The following CA10 variants were observed in gnomAD, a reference collection of about 807,000 sequenced individuals.
CA10 encodes the protein carbonic anhydrase 10 (inactive), also known as carbonic anhydrase-related protein 10.
A neutral mutation model predicts 44.2 loss-of-function variants in CA10; 14 were observed. The ratio of observed to expected loss-of-function variants is 0.32; its 90% confidence interval spans 0.21 to 0.50. The LOEUF (loss-of-function observed/expected upper bound fraction) is 0.50. CA10 is among the 20% of genes least tolerant of loss of function. The pLI, the probability that CA10 is intolerant of heterozygous loss-of-function variation, is 0.99. For missense variants in CA10, 350 were observed against 409.7 expected (o/e 0.85, Z 1.26); for synonymous variants, 159 against 141.6 (o/e 1.12, Z -0.87).
At chr17:52,047,132 A>AG (rs1421442510) in intron 2 of CA10, among the ~76,000 whole-genome samples, 1 of 152,056 alleles carries the variant, frequency 6.6e-6, no homozygotes, top group Admixed American at 6.6e-5. Flanking sequence ...ATTCAGCAAT[A>AG]TAAAGGAATG....
intron 3 of CA10, among the ~76,000 whole-genome samples, chr17:51,860,038 C>T (rs1979233180): frequency 6.6e-6 from 1 of 152,122 alleles, no homozygotes; most frequent in African/African-American, 2.4e-5. Context: ...AAAGACAGAG[C>T]AAGATTTACT....
intron 1 of CA10, among the ~76,000 whole-genome samples, chr17:52,081,529 G>A (rs1598204860): frequency 1.3e-5 from 2 of 152,212 alleles, no homozygotes; most frequent in South Asian, 2.1e-4. Flanking sequence ...GGCCGGGCGC[G>A]GTGGCTCACG....
rs565415114 is a variant in CA10, at chr17:51,653,632, G to A, written c.561+9C>T. The A allele has an allele frequency of 6.9e-7, 1 of 1,439,040 alleles. No homozygotes were observed. The allele number at this position is 1,439,040 out of a possible 1,614,324, so 89.1% of individuals were successfully genotyped here. On this transcript the variant is annotated intron_variant, in intron 5 of 8. Coordinates refer to ENST00000451037, the MANE Select transcript of CA10 (RefSeq NM_020178.5). ...TGGTGAGAAGAATGAAGGAATGCAAGAGACTTACTTTTATAAATATAGAAA... is the reference window on the plus strand; with the variant it reads ...TGGTGAGAAGAATGAAGGAATGCAAAAGACTTACTTTTATAAATATAGAAA...
intron 3 of CA10, among the ~76,000 whole-genome samples, chr17:51,816,550 T>G (rs1038476248): frequency 6.6e-6 from 1 of 152,186 alleles, no homozygotes; most frequent in Non-Finnish European, 1.5e-5. Context: ...TGAAAGCATT[T>G]TTTTCATTAT....
chr17:51,698,159 G>A (rs557841891), intron 4 of CA10, among the ~76,000 whole-genome samples: 1 of 152,308 alleles, frequency 6.6e-6, no homozygotes, highest in African/African-American at 2.4e-5. Flanking sequence ...CACAGCAGAT[G>A]CTGCTGCTGC....
At chr17:51,637,852 C>G (rs181116572) in intron 6 of CA10, among the ~76,000 whole-genome samples, 1 of 152,218 alleles carries the variant, frequency 6.6e-6, no homozygotes, top group Admixed American at 6.5e-5. Context: ...TTCACTAGAA[C>G]CTCTTTGTGC....
rs1434032722 is a variant in CA10, at chr17:52,040,709, C to T, written c.136+31610G>A. ...GGAGAACCCAAACCGAATCCAGTAG[C>T]CTCACTGAGTGGAGGGGACAGAGTT... is the stretch of plus-strand genomic sequence containing the variant. On this transcript the variant is annotated intron_variant, in intron 2 of 8. Transcript: ENST00000451037. Among the ~76,000 whole-genome samples the T allele has an allele frequency of 4.6e-5, 7 of 151,978 alleles. No homozygotes were observed. The East Asian group carries it at 9.8e-4, about 21-fold the overall frequency.
At position 51,904,199 on chromosome 17, in the gene CA10, T is replaced by TA. The variant is rs35503521; in HGVS notation, c.279+26790dup. Among the ~76,000 whole-genome samples the TA allele has an allele frequency of 5.2e-3, 758 of 145,068 alleles. 5 individuals carry two copies. The highest frequency in any genetic ancestry group is 6.1e-3 in the African/African-American group (244 of 39,900). ...CTTGATGTATGTAATGTATGGCTCT[T>TA]AAAAAAAAAAAACTCTTATTATATT... On this transcript the variant is annotated intron_variant, in intron 3 of 8. Transcript: ENST00000451037.
At chr17:51,731,865 G>A (rs943260142) in intron 4 of CA10, among the ~76,000 whole-genome samples, 3 of 151,976 alleles carry the variant, frequency 2.0e-5, no homozygotes, top group African/African-American at 7.3e-5. Flanking sequence ...AGTAGAGACA[G>A]GGTTTCAACA....
chr17:51,910,485 T>C (rs1981746993), intron 3 of CA10, among the ~76,000 whole-genome samples: 1 of 152,154 alleles, frequency 6.6e-6, no homozygotes, highest in Admixed American at 6.6e-5. Flanking sequence ...ATATTGTATC[T>C]AACATTACGT....
At chr17:51,959,312 G>C (rs1598140160) in intron 2 of CA10, among the ~76,000 whole-genome samples, 1 of 148,456 alleles carries the variant, frequency 6.7e-6, no homozygotes, top group Admixed American at 6.7e-5. Context: ...GTGTGTGTGT[G>C]TGTGTGTGTG....
chr17:51,669,477 C>T (rs917678809), intron 4 of CA10, among the ~76,000 whole-genome samples: 1 of 152,184 alleles, frequency 6.6e-6, no homozygotes, highest in Non-Finnish European at 1.5e-5. Flanking sequence ...TGGCAACCCT[C>T]TCGGGTCCCC....
intron 4 of CA10, among the ~76,000 whole-genome samples, chr17:51,688,332 A>G (rs1915076196): frequency 6.6e-6 from 1 of 152,206 alleles, no homozygotes; most frequent in Non-Finnish European, 1.5e-5. Flanking sequence ...TTTTTAAGTC[A>G]TTACATTTTG....
intron 6 of CA10, 152 bp from the exon 7 acceptor site, chr17:51,636,161 CTCTA>C (rs1180951810): frequency 1.1e-5 from 5 of 437,596 alleles, no homozygotes; most frequent in Non-Finnish European, 1.9e-5. Context: ...TTCCAGAAGA[CTCTA>C]TCTGTCAGAA....
intron 1 of CA10, among the ~76,000 whole-genome samples, chr17:52,156,489 C>G (rs900439227): frequency 2.0e-5 from 3 of 152,194 alleles, no homozygotes; most frequent in Non-Finnish European, 4.4e-5. Context: ...AGTCCCATTC[C>G]TTCCCTATGA....
chr17:52,002,525 C>G (rs2144121667), intron 2 of CA10, among the ~76,000 whole-genome samples: 1 of 152,048 alleles, frequency 6.6e-6, no homozygotes, highest in African/African-American at 2.4e-5. Flanking sequence ...AATGTCTAAA[C>G]CAATGGTGAG....
chr17:51,929,989 G>A (rs1982586957), intron 3 of CA10, among the ~76,000 whole-genome samples: 1 of 152,102 alleles, frequency 6.6e-6, no homozygotes, highest in Non-Finnish European at 1.5e-5. Flanking sequence ...TTTTTGATGA[G>A]TCATTAGGGG....
intron 4 of CA10, among the ~76,000 whole-genome samples, chr17:51,707,988 C>A (rs1186461298): frequency 2.0e-5 from 3 of 152,118 alleles, no homozygotes; most frequent in Non-Finnish European, 2.9e-5. Flanking sequence ...TAAAGCAGGA[C>A]ACCAACCTAG....
intron 3 of CA10, among the ~76,000 whole-genome samples, chr17:51,882,967 G>T (rs1445730345): frequency 4.9e-5 from 7 of 142,434 alleles, no homozygotes; most frequent in Non-Finnish European, 8.1e-5. Context: ...TCTTGGGTAA[G>T]GTACTGGTGG....
Sources: allele counts gnomAD v4.1 joint callset (sites outside exome capture counted in the v4.1 genomes callset), GRCh38; gene constraint gnomAD v4.1.1; transcripts MANE v1.5; gene names NCBI Gene and HGNC (gene_info 2026-07-23, HGNC 2026-07-21).